PVT1: variants seen among roughly 807,000 people sequenced by gnomAD.
The protein encoded by PVT1 is Pvt1 oncogene.
chr8:127,999,698 G>A (rs1453463546), intron 4 of PVT1, among the ~76,000 whole-genome samples: 2 of 152,200 alleles, frequency 1.3e-5, no homozygotes, highest in African/African-American at 2.4e-5. Context: ...CTGACCTCAG[G>A]TGATCCACCC....
chr8:128,038,982 T>C (rs1439206450), intron 4 of PVT1, among the ~76,000 whole-genome samples: 1 of 152,156 alleles, frequency 6.6e-6, no homozygotes, highest in East Asian at 1.9e-4. Flanking sequence ...TGTGCTCAGG[T>C]ACTGTCTGAG....
chr8:128,027,060 C>G (rs1439909072), intron 4 of PVT1, among the ~76,000 whole-genome samples: 3 of 152,182 alleles, frequency 2.0e-5, no homozygotes, highest in Non-Finnish European at 4.4e-5. Context: ...GGTTCCCCTG[C>G]TTCCATTTAT....
intron 3 of PVT1, among the ~76,000 whole-genome samples, chr8:127,957,400 C>T (rs2129937806): frequency 6.6e-6 from 1 of 152,112 alleles, no homozygotes; most frequent in East Asian, 1.9e-4. Flanking sequence ...AACCCCATCT[C>T]TATTAAAAAC....
chr8:127,977,375 T>G (rs766519600), intron 3 of PVT1, among the ~76,000 whole-genome samples: 1 of 152,172 alleles, frequency 6.6e-6, no homozygotes, highest in Non-Finnish European at 1.5e-5. Flanking sequence ...AGGTACTTCC[T>G]AAGCCCCCAT....
chr8:128,038,336 T>G (rs1435066929), intron 4 of PVT1, among the ~76,000 whole-genome samples: 2 of 152,230 alleles, frequency 1.3e-5, no homozygotes, highest in African/African-American at 4.8e-5. Context: ...GTGTCATTAT[T>G]CAGCATGTAT....
chr8:128,022,929 T>C (rs996987658), intron 4 of PVT1, among the ~76,000 whole-genome samples: 2 of 151,320 alleles, frequency 1.3e-5, no homozygotes, highest in Non-Finnish European at 2.9e-5. Context: ...TGCAGTGGCC[T>C]GATCTTGGCT....
chr8:127,952,697 C>T (rs1201201820), intron 3 of PVT1, among the ~76,000 whole-genome samples: 2 of 152,110 alleles, frequency 1.3e-5, no homozygotes, highest in African/African-American at 4.8e-5. Context: ...GCAACAGAGG[C>T]ACAGTCTGGG....
intron 2 of PVT1, among the ~76,000 whole-genome samples, chr8:127,825,729 G>A (rs1046415069): frequency 5.3e-5 from 8 of 152,122 alleles, no homozygotes; most frequent in Non-Finnish European, 7.4e-5. Context: ...TCCTAGCCGC[G>A]TCACTCAACC....
chr8:127,962,203 G>A (rs1816651998), intron 3 of PVT1, among the ~76,000 whole-genome samples: 1 of 151,612 alleles, frequency 6.6e-6, no homozygotes, highest in Non-Finnish European at 1.5e-5. Context: ...TTGATCTCGT[G>A]ATCCACCTGC....
chr8:127,813,852 G>C (rs886471968), intron 2 of PVT1, among the ~76,000 whole-genome samples: 1 of 152,118 alleles, frequency 6.6e-6, no homozygotes, highest in Non-Finnish European at 1.5e-5. Flanking sequence ...GCACGATCTC[G>C]GCTCACTGCA....
chr8:127,909,566 A>G (rs896097318), intron 3 of PVT1, among the ~76,000 whole-genome samples: 2 of 152,178 alleles, frequency 1.3e-5, no homozygotes, highest in African/African-American at 2.4e-5. Context: ...TGTTTGGCAT[A>G]TGTGCGGAGC....
chr8:128,077,345 T>A (rs966663601), intron 5 of PVT1, among the ~76,000 whole-genome samples: 1 of 152,182 alleles, frequency 6.6e-6, no homozygotes, highest in Non-Finnish European at 1.5e-5. Context: ...TCAGTGCTTT[T>A]CCGCTGCTGA....
At chr8:127,821,626 C>T (rs563314192) in intron 2 of PVT1, among the ~76,000 whole-genome samples, 73 of 151,926 alleles carry the variant, frequency 4.8e-4, no homozygotes, top group African/African-American at 1.6e-3. Flanking sequence ...CTGGCTAACA[C>T]GGTGAAACCT....
chr8:127,866,074 T>C (rs1304476829), intron 2 of PVT1, among the ~76,000 whole-genome samples: 1 of 151,814 alleles, frequency 6.6e-6, no homozygotes, highest in Non-Finnish European at 1.5e-5. Flanking sequence ...CTGGCCAGGA[T>C]GGCGTGTTGG....
intron 2 of PVT1, among the ~76,000 whole-genome samples, chr8:127,877,293 G>T (rs764932175): frequency 1.3e-5 from 2 of 152,216 alleles, no homozygotes; most frequent in Non-Finnish European, 2.9e-5. Context: ...CAAGGGGCCC[G>T]CCCTTTTCAC....
At chr8:127,964,216 T>C (rs1816679245) in intron 3 of PVT1, among the ~76,000 whole-genome samples, 1 of 152,248 alleles carries the variant, frequency 6.6e-6, no homozygotes, top group African/African-American at 2.4e-5. Context: ...CAGTTGTCAT[T>C]CCCAGATGTT....
In PVT1 at chr8:127,880,036, C is replaced by T. The variant is rs115637510; in HGVS notation, n.373-10553C>T. 7.9e-3 allele frequency among the ~76,000 whole-genome samples: 1,196 copies of T among 152,346 alleles called. 12 individuals carry two copies. Among genetic ancestry groups the T allele is most frequent in the African/African-American group, 0.024 (1,013 of 41,570 alleles). The stretch of plus-strand genomic sequence containing the variant: ...TGTGCTGACGTACTGGGGCCTCTCA[C>T]ATTCTATGTGGTCCAACCTTTCCTC... On this transcript the variant is annotated intron_variant and non_coding_transcript_variant, in intron 2 of 10. Transcript: ENST00000651587.
chr8:127,998,860 T>TCC (rs1563661566), intron 4 of PVT1, among the ~76,000 whole-genome samples: 7 of 126,964 alleles, frequency 5.5e-5, no homozygotes, highest in African/African-American at 9.3e-5. Flanking sequence ...TCCCTCCCTC[T>TCC]CTCTCTCTCT....
In PVT1 at chr8:128,012,622, G is replaced by A. The variant is rs139207857; in HGVS notation, n.912+23331G>A. On this transcript the variant is annotated intron_variant and non_coding_transcript_variant, in intron 4 of 10. Coordinates refer to ENST00000651587, the Ensembl canonical transcript of PVT1. ...GCAGAGTTGATGGAGACCCTGTTTC[G>A]AGTCACATGAATAATTAATCTAGGG... Among the ~76,000 whole-genome samples the A allele has an allele frequency of 3.1e-3, 468 of 152,212 alleles. 5 individuals are homozygous for A. In the Middle Eastern group the frequency reaches 0.045, roughly 14 times the overall value.
Sources: allele counts gnomAD v4.1 joint callset (sites outside exome capture counted in the v4.1 genomes callset), GRCh38; gene constraint gnomAD v4.1.1; transcripts MANE v1.5; gene names NCBI Gene and HGNC (gene_info 2026-07-23, HGNC 2026-07-21).